HNF4G: variants seen among roughly 807,000 people sequenced by gnomAD.
The protein encoded by HNF4G is hepatocyte nuclear factor 4 gamma, also known as hepatocyte nuclear factor 4-gamma.
HNF4G carries 21 observed loss-of-function variants against 50.9 expected under a neutral mutation model. That is an observed-to-expected ratio of 0.41 (90% confidence interval 0.29 to 0.59). HNF4G has a LOEUF of 0.59. HNF4G is among the 20% of genes least tolerant of loss of function. HNF4G has a pLI of 0.26. For missense variants in HNF4G, 527 were observed against 559.4 expected, an observed-to-expected ratio of 0.94 and a Z score of 0.58; for synonymous variants, 198 against 185.6, an observed-to-expected ratio of 1.07 and a Z score of -0.54.
At chr8:75,481,505 G>GA (rs11464576) in intron 1 of HNF4G, among the ~76,000 whole-genome samples, 79,537 of 151,872 alleles carry the variant, frequency 0.52, 23,124 homozygotes, top group African/African-American at 0.79. Flanking sequence ...TTATTTTTGA[G>GA]CACTTACCTG....
intron 1 of HNF4G, among the ~76,000 whole-genome samples, chr8:75,415,393 A>C (rs1008945959): frequency 6.6e-6 from 1 of 152,164 alleles, no homozygotes; most frequent in South Asian, 2.1e-4. Flanking sequence ...ATAAATGGGA[A>C]TAGCATGTAC....
At chr8:75,432,226 C>A (rs1158287869) in intron 1 of HNF4G, among the ~76,000 whole-genome samples, 2 of 151,436 alleles carry the variant, frequency 1.3e-5, no homozygotes, top group African/African-American at 4.9e-5. Flanking sequence ...CGCACTCCAA[C>A]CTGGATTATG....
chr8:75,453,032 G>A (rs967124866), intron 1 of HNF4G, among the ~76,000 whole-genome samples: 2 of 152,228 alleles, frequency 1.3e-5, no homozygotes, highest in East Asian at 3.8e-4. Context: ...AGTTCACCTA[G>A]AGAATAGCAA....
chr8:75,474,384 A>G (rs564328769), intron 1 of HNF4G, among the ~76,000 whole-genome samples: 1 of 152,336 alleles, frequency 6.6e-6, no homozygotes, highest in Non-Finnish European at 1.5e-5. Flanking sequence ...TTTGTTTAAT[A>G]TACTACCATT....
rs11782969 is a variant in HNF4G at position 75,471,249 on chromosome 8, T to G, written c.-143-18840T>G. ...AAAATTTGAATTATTCTACTGCCAGTAGGGACTGTATATCATGAACAGAAA... is the reference window on the plus strand; with the variant it reads ...AAAATTTGAATTATTCTACTGCCAGGAGGGACTGTATATCATGAACAGAAA... On this transcript the variant is annotated intron_variant, in intron 1 of 10. Transcript: ENST00000354370. Among the ~76,000 whole-genome samples, 1,219 of 152,256 alleles carry G rather than the reference T, an allele frequency of 8.0e-3. 11 individuals carry two copies. The highest frequency in any genetic ancestry group is 0.014 in the Non-Finnish European group (934 of 67,978).
chr8:75,555,580 T>TA (rs35661347), intron 5 of HNF4G, among the ~76,000 whole-genome samples: 100,866 of 151,884 alleles, frequency 0.66, 35,344 homozygotes, highest in African/African-American at 0.9. Flanking sequence ...AGATTTTTTT[T>TA]ATCTCTACTC....
intron 2 of HNF4G, among the ~76,000 whole-genome samples, chr8:75,494,911 G>A (rs1318858769): frequency 6.6e-6 from 1 of 152,094 alleles, no homozygotes; most frequent in East Asian, 1.9e-4. Context: ...ATTATGACCT[G>A]CTATCTATAA....
intron 2 of HNF4G, among the ~76,000 whole-genome samples, chr8:75,515,446 G>A (rs1193078781): frequency 1.3e-5 from 2 of 151,970 alleles, no homozygotes; most frequent in African/African-American, 4.8e-5. Context: ...TATAGAAATT[G>A]GCTCACATGA....
chr8:75,461,234 C>T (rs2672860), intron 1 of HNF4G, among the ~76,000 whole-genome samples: 35,630 of 152,072 alleles, frequency 0.23, 5,203 homozygotes, highest in Middle Eastern at 0.34. Context: ...AAGGTGTCAA[C>T]AGGGGTGCAT....
intron 9 of HNF4G, among the ~76,000 whole-genome samples, chr8:75,562,783 C>T (rs1807350849): frequency 6.6e-6 from 1 of 152,108 alleles, no homozygotes; most frequent in Non-Finnish European, 1.5e-5. Context: ...CTTGGCTTTA[C>T]TATGCTCATT....
At chr8:75,519,632 C>T (rs1563538409) in intron 2 of HNF4G, among the ~76,000 whole-genome samples, 1 of 152,126 alleles carries the variant, frequency 6.6e-6, no homozygotes. Context: ...TGGGAAAGAC[C>T]AACCCCTATG....
intron 1 of HNF4G, among the ~76,000 whole-genome samples, chr8:75,436,353 A>C (rs1416191638): frequency 6.6e-6 from 1 of 152,222 alleles, no homozygotes; most frequent in Non-Finnish European, 1.5e-5. Flanking sequence ...AAAAAGTGGG[A>C]CAAGGAAAGA....
chr8:75,432,600 C>T (rs1411717188), intron 1 of HNF4G, among the ~76,000 whole-genome samples: 3 of 152,120 alleles, frequency 2.0e-5, no homozygotes, highest in Non-Finnish European at 4.4e-5. Context: ...CATGCCCAGC[C>T]AGAATTTACC....
chr8:75,426,337 T>C (rs1440980776), intron 1 of HNF4G, among the ~76,000 whole-genome samples: 4 of 152,224 alleles, frequency 2.6e-5, no homozygotes, highest in African/African-American at 9.6e-5. Flanking sequence ...TCTAGACTTA[T>C]CGTACTTTTT....
chr8:75,539,178 A>G (rs1422645513), upstream of HNF4G, among the ~76,000 whole-genome samples: 3 of 152,314 alleles, frequency 2.0e-5, 1 homozygote, highest in Non-Finnish European at 1.5e-5. Flanking sequence ...TTTCAGTTTA[A>G]TGACATCAGA....
chr8:75,516,044 G>A (rs1007424046), intron 2 of HNF4G, among the ~76,000 whole-genome samples: 3 of 152,104 alleles, frequency 2.0e-5, no homozygotes, highest in Non-Finnish European at 2.9e-5. Flanking sequence ...GATTACAGGC[G>A]CAAGCTACTG....
chr8:75,497,274 A>G (rs916034088), intron 2 of HNF4G, among the ~76,000 whole-genome samples: 1 of 152,146 alleles, frequency 6.6e-6, no homozygotes, highest in Admixed American at 6.6e-5. Context: ...ATTCCTTGTA[A>G]AAGGAAGTCA....
intron 1 of HNF4G, among the ~76,000 whole-genome samples, chr8:75,428,354 T>C (rs976155436): frequency 2.0e-5 from 3 of 152,222 alleles, no homozygotes; most frequent in Non-Finnish European, 4.4e-5. Context: ...TCATCTCTGA[T>C]ATATTTTAAA....
intron 1 of HNF4G, among the ~76,000 whole-genome samples, chr8:75,433,514 G>A (rs1811064858): frequency 6.6e-6 from 1 of 151,430 alleles, no homozygotes; most frequent in African/African-American, 2.4e-5. Context: ...AAATATGATT[G>A]TATTTATTGA....
Sources: gnomAD v4.1 joint callset for allele counts (sites outside exome capture counted in the v4.1 genomes callset) on GRCh38, gnomAD v4.1.1 for gene constraint, MANE v1.5 for transcripts, NCBI Gene and HGNC (gene_info 2026-07-23, HGNC 2026-07-21) for gene names.